The following SYNJ2 variants were observed in gnomAD, a reference collection of about 807,000 sequenced individuals.
SYNJ2 encodes synaptojanin 2.
Under a neutral mutation model 141.3 loss-of-function variants are expected in SYNJ2, and 116 were observed. The ratio of observed to expected loss-of-function variants is 0.82; its 90% confidence interval spans 0.71 to 0.96. The LOEUF is 0.96. Among genes scored for constraint, SYNJ2 ranks in the 40% least tolerant of loss-of-function variants. The probability of loss-of-function intolerance (pLI) is 0.00; values close to 1 mark genes in which losing one functional copy is unlikely to be tolerated. For missense variants in SYNJ2, 1,873 were observed against 1,934.8 expected, an observed-to-expected ratio of 0.97 and a Z score of 0.60; for synonymous variants, 745 against 777.7, an observed-to-expected ratio of 0.96 and a Z score of 0.70.
At chr6:158,012,654 A>G (rs1356014268) in intron 1 of SYNJ2, among the ~76,000 whole-genome samples, 1 of 152,226 alleles carries the variant, frequency 6.6e-6, no homozygotes, top group Non-Finnish European at 1.5e-5. Context: ...TGTGCTGCTT[A>G]AGCCACTGTG....
At position 158,084,169 on chromosome 6, in the gene SYNJ2, A is replaced by G. The variant is rs371440879; in HGVS notation, c.3203A>G (p.Tyr1068Cys). The change falls in exon 22 of 27, where the codon TAC becomes TGC. Residue 1068 changes from tyrosine (Y) to cysteine (C), a missense_variant. By Grantham distance (194) the Tyr-to-Cys change is radical. Coordinates refer to ENST00000355585, the MANE Select transcript of SYNJ2 (RefSeq NM_003898.4). This position sits in a 1 kb window ranked among gnomAD's most constrained non-coding sequence, Gnocchi z 5.0. The stretch of plus-strand genomic sequence containing the variant: ...ACCAAAAAGAAGCAGCATCCAACGT[A>G]CAAAGGTAGCCTGACCCTTCTTTTC... ...ALTKKKQHPT[Y>C]KDDADLVELK... 27 of 1,613,562 alleles carry G rather than the reference A, an allele frequency of 1.7e-5. No individual in the cohort carries two copies. The highest frequency in any genetic ancestry group is 2.2e-5 in the Non-Finnish European group (26 of 1,179,732).
intron 17 of SYNJ2, 50 bp downstream of exon 17, chr6:158,076,832 G>GCGACGGAGGGAGAGTCACGTTTACC: frequency 1.9e-6 from 3 of 1,559,498 alleles, no homozygotes; most frequent in African/African-American, 1.4e-5. Context: ...AATAAGAAAT[G>GCGACGGAGGGAGAGTCACGTTTACC]CGACGGAGGG....
chr6:158,014,481 T>C (rs1003265495), intron 1 of SYNJ2, among the ~76,000 whole-genome samples: 5 of 152,254 alleles, frequency 3.3e-5, no homozygotes, highest in Admixed American at 2.0e-4. Context: ...TGCTTCAGTA[T>C]CTGCTGGTAA....
chr6:158,026,672 G>C (rs1055829793), intron 2 of SYNJ2, among the ~76,000 whole-genome samples: 1 of 152,204 alleles, frequency 6.6e-6, no homozygotes, highest in African/African-American at 2.4e-5. Flanking sequence ...CCCCCCACAC[G>C]GAGGCTGTTG....
At chr6:158,078,615 A>G (rs1433061176) in intron 18 of SYNJ2, 1 of 213,666 alleles carries the variant, frequency 4.7e-6, no homozygotes, top group African/African-American at 2.3e-5. Flanking sequence ...TATTTTTGAG[A>G]TACAGTCGTG....
rs75106584 is a variant in SYNJ2, at chr6:157,987,111, C to T, written c.127+5023C>T. ...AAGTGATTCTCTGGCCTTAGCCTTC[C>T]GAGTAGCTGGGACTATAGGCGTGTG... On this transcript the variant is annotated intron_variant, in intron 1 of 26. Coordinates refer to ENST00000355585, the MANE Select transcript of SYNJ2 (RefSeq NM_003898.4). Among the ~76,000 whole-genome samples the T allele has an allele frequency of 8.5e-3, 1,291 of 151,992 alleles. 58 individuals carry two copies. In the East Asian group the frequency reaches 0.1, roughly 12 times the overall value.
At chr6:158,004,254 C>T (rs1187147594) in intron 1 of SYNJ2, among the ~76,000 whole-genome samples, 1 of 152,020 alleles carries the variant, frequency 6.6e-6, no homozygotes, top group Non-Finnish European at 1.5e-5. Context: ...CATTCTTAGC[C>T]ACAGGATGAG....
chr6:157,989,915 G>GGGC (rs1777354994), intron 1 of SYNJ2, among the ~76,000 whole-genome samples: 1 of 152,000 alleles, frequency 6.6e-6, no homozygotes, highest in South Asian at 2.1e-4. Flanking sequence ...TTCTGGGGGG[G>GGGC]GCTAGGAGGC....
At position 158,069,616 on chromosome 6, in the gene SYNJ2, A is replaced by G. The variant is rs182021107; in HGVS notation, c.1883A>G (p.Gln628Arg). 1 of 1,614,094 alleles carries G rather than the reference A, an allele frequency of 6.2e-7. No homozygotes were observed. The highest frequency in any genetic ancestry group is 2.2e-5 in the East Asian group (1 of 44,890). Residue 628 changes from glutamine to arginine, a missense_variant, in exon 14 of 27, where the codon CAG (glutamine) becomes CGG (arginine). Coordinates refer to ENST00000355585, the MANE Select transcript of SYNJ2 (RefSeq NM_003898.4). ...SHRYILLTSAQLVGVCLYIFV... is the reference protein window; with the variant it reads ...SHRYILLTSARLVGVCLYIFV... ...AGATACATTCTGTTGACTTCGGCACAGCTGGTGGGCGTCTGTCTTTATATC... is the reference window on the plus strand; with the variant it reads ...AGATACATTCTGTTGACTTCGGCACGGCTGGTGGGCGTCTGTCTTTATATC...
At chr6:158,080,330 C>T (rs951164502) in intron 18 of SYNJ2, among the ~76,000 whole-genome samples, 1 of 152,012 alleles carries the variant, frequency 6.6e-6, no homozygotes, top group African/African-American at 2.4e-5. Context: ...CAAAAATTAG[C>T]TGGTCATGGT....
Position 158,027,104 on chromosome 6 carries a change from C to A in SYNJ2, c.215-1652C>A. On this transcript the variant is annotated intron_variant, in intron 2 of 26. Coordinates refer to ENST00000355585, the MANE Select transcript of SYNJ2 (RefSeq NM_003898.4). This position sits in a 1 kb window ranked among gnomAD's most constrained non-coding sequence, Gnocchi z 4.6. ...GCCCTGAGCGCTCATTAAAGGAACGCACTTTAATGACAGCCACACGCCACC... is the reference window on the plus strand; with the variant it reads ...GCCCTGAGCGCTCATTAAAGGAACGAACTTTAATGACAGCCACACGCCACC... 1 of 985,372 alleles carries A rather than the reference C, an allele frequency of 1.0e-6. No individual in the cohort carries two copies. The highest frequency in any genetic ancestry group is 1.2e-6 in the Non-Finnish European group (1 of 829,940). 61.0% of individuals were successfully genotyped at this position (985,372 alleles called of 1,614,324 possible).
intron 1 of SYNJ2, among the ~76,000 whole-genome samples, chr6:158,015,419 C>T (rs999103274): frequency 6.6e-6 from 1 of 152,180 alleles, no homozygotes; most frequent in African/African-American, 2.4e-5. Context: ...CCCAAAGCTC[C>T]TTAAGGGCTC....
At chr6:158,055,737 T>TC (rs1205634432) in intron 6 of SYNJ2, among the ~76,000 whole-genome samples, 2 of 152,218 alleles carry the variant, frequency 1.3e-5, no homozygotes, top group Non-Finnish European at 2.9e-5. Flanking sequence ...TTTGAGTCCT[T>TC]CTACCTGAAG....
At position 158,018,160 on chromosome 6, in the gene SYNJ2, C is replaced by A. The variant is rs1407469481; in HGVS notation, c.214+870C>A. On this transcript the variant is annotated intron_variant, in intron 2 of 26. Coordinates refer to ENST00000355585, the MANE Select transcript of SYNJ2 (RefSeq NM_003898.4). Reference sequence around the variant, plus strand: ...AGAACTTCCAGGAAGACGTGGGCATCTCTGCTCACTCTGAGAGACTCGGGG... The same window carrying A: ...AGAACTTCCAGGAAGACGTGGGCATATCTGCTCACTCTGAGAGACTCGGGG... 2.0e-5 allele frequency among the ~76,000 whole-genome samples: 3 copies of A among 152,204 alleles called. No individual in the cohort carries two copies. In the East Asian group the frequency reaches 5.8e-4, roughly 29 times the overall value.
rs1460922894 is a variant in SYNJ2, at chr6:158,070,447, C to T, written c.1940+774C>T. On this transcript the variant is annotated intron_variant, in intron 14 of 26. Coordinates refer to ENST00000355585, the MANE Select transcript of SYNJ2 (RefSeq NM_003898.4). This position sits in a 1 kb window ranked among gnomAD's most constrained non-coding sequence, Gnocchi z 4.0. Reference sequence around the variant, plus strand: ...CTGACTTTCAGAAGATGTTTAGGTCCCTGTCCCTCTGCTTGTGTTATTTGG... The same window carrying T: ...CTGACTTTCAGAAGATGTTTAGGTCTCTGTCCCTCTGCTTGTGTTATTTGG... 4 of 985,294 alleles carry T rather than the reference C, an allele frequency of 4.1e-6. No homozygotes were observed. The African/African-American group carries it at 5.2e-5, about 13-fold the overall frequency. 61.0% of individuals were successfully genotyped at this position (985,294 alleles called of 1,614,324 possible). A position where few individuals can be genotyped will look rare whatever the true frequency, so the allele number is the denominator to read the frequency against.
At chr6:157,995,951 A>AT (rs1342467371) in intron 1 of SYNJ2, among the ~76,000 whole-genome samples, 1 of 152,238 alleles carries the variant, frequency 6.6e-6, no homozygotes, top group Non-Finnish European at 1.5e-5. Context: ...TGAAGCCCAC[A>AT]TCTGTGGAAA....
In SYNJ2 at chr6:158,096,475, G is replaced by A; in HGVS notation, c.*111G>A. 2 of 1,281,318 alleles carry A rather than the reference G, an allele frequency of 1.6e-6. No homozygotes were observed. The highest frequency in any genetic ancestry group is 2.1e-6 in the Non-Finnish European group (2 of 948,938). 79.4% of individuals were successfully genotyped at this position (1,281,318 alleles called of 1,614,324 possible). On this transcript the variant is annotated 3_prime_UTR_variant, in exon 27 of 27. Coordinates refer to ENST00000355585, the MANE Select transcript of SYNJ2 (RefSeq NM_003898.4). ...AAGGCACACTGGCCAAAACGTTTGT[G>A]CATCTGTCACTCTCGTGTAGTTTAC...
chr6:158,012,516 T>C (rs1426423355), intron 1 of SYNJ2, among the ~76,000 whole-genome samples: 2 of 152,170 alleles, frequency 1.3e-5, no homozygotes, highest in African/African-American at 4.8e-5. Context: ...CTCTGGGAGC[T>C]GCAAGAGACA....
chr6:158,066,344 A>G (rs1781562482), intron 11 of SYNJ2, 100 bp from the exon 12 acceptor site: 2 of 1,383,042 alleles, frequency 1.4e-6, no homozygotes, highest in Admixed American at 3.7e-5. Flanking sequence ...CTAGAGGCTC[A>G]TGAACCATCT....
Sources: gnomAD v4.1 joint callset for allele counts (sites outside exome capture counted in the v4.1 genomes callset) on GRCh38, gnomAD v4.1.1 for gene constraint, Gnocchi (gnomAD v3.1) non-coding constraint, MANE v1.5 for transcripts, NCBI Gene and HGNC (gene_info 2026-07-23, HGNC 2026-07-21) for gene names.